Variants in CNTN5 observed in about 807,000 individuals in gnomAD.
CNTN5 encodes the protein contactin-5.
A neutral mutation model predicts 129.1 loss-of-function variants in CNTN5; 77 were observed. That is an observed-to-expected ratio of 0.60 (90% CI 0.50 to 0.72). The LOEUF is 0.72. Ranked by LOEUF, CNTN5 falls within the 30% of genes least tolerant of loss-of-function variation. The probability of loss-of-function intolerance (pLI) is 0.00; values close to 1 mark genes in which losing one functional copy is unlikely to be tolerated. For synonymous variants in CNTN5, 509 were observed against 465.6 expected, an observed-to-expected ratio of 1.09 and a Z score of -1.20; for missense variants, 1,478 against 1,328.8, an observed-to-expected ratio of 1.11 and a Z score of -1.75.
chr11:99,570,926 A>C (rs1191353299), intron 3 of CNTN5, among the ~76,000 whole-genome samples: 1 of 152,196 alleles, frequency 6.6e-6, no homozygotes, highest in East Asian at 1.9e-4. Context: ...TATTTCAGGC[A>C]GGCAGGGAAA....
At chr11:99,682,748 G>GA (rs1953613388) in intron 3 of CNTN5, among the ~76,000 whole-genome samples, 1 of 151,750 alleles carries the variant, frequency 6.6e-6, no homozygotes, top group Non-Finnish European at 1.5e-5. Flanking sequence ...TAAATGAATG[G>GA]AAAAAACACA....
intron 13 of CNTN5, among the ~76,000 whole-genome samples, chr11:100,148,543 G>GCTAA (rs1404423492): frequency 9.9e-5 from 15 of 152,210 alleles, no homozygotes; most frequent in South Asian, 8.3e-4. Context: ...ACTGAGATCT[G>GCTAA]CTAACTAACT....
At chr11:99,068,725 G>A (rs1372577538) in intron 1 of CNTN5, among the ~76,000 whole-genome samples, 2 of 152,168 alleles carry the variant, frequency 1.3e-5, no homozygotes, top group African/African-American at 4.8e-5. Flanking sequence ...CGTTAAGTAT[G>A]TGAAGACAAG....
At chr11:100,036,306 T>C (rs950137744) in intron 9 of CNTN5, among the ~76,000 whole-genome samples, 2 of 152,074 alleles carry the variant, frequency 1.3e-5, no homozygotes, top group Non-Finnish European at 2.9e-5. Flanking sequence ...CTGAGGGCTC[T>C]GTTCTGTTCC....
Position 99,957,018 on chromosome 11 carries a change from C to T in CNTN5, c.877+9C>T, listed in dbSNP as rs200102673. 3 of 1,610,572 alleles carry T rather than the reference C, an allele frequency of 1.9e-6. No homozygotes were observed. The highest frequency in any genetic ancestry group is 2.5e-6 in the Non-Finnish European group (3 of 1,177,838). On this transcript the variant is annotated intron_variant, in intron 8 of 24. Transcript: ENST00000524871. Reference sequence around the variant, plus strand: ...CACTCTGCGTAATGATGGTAAGTTGCTTGGCCCGTTAAAATGGTCAGCCAA... The same window carrying T: ...CACTCTGCGTAATGATGGTAAGTTGTTTGGCCCGTTAAAATGGTCAGCCAA...
chr11:99,302,324 G>C (rs1864680172), intron 1 of CNTN5, among the ~76,000 whole-genome samples: 1 of 151,470 alleles, frequency 6.6e-6, no homozygotes, highest in Non-Finnish European at 1.5e-5. Context: ...CAAATATTTA[G>C]CTAAAATGAC....
chr11:99,028,635 T>C (rs1863217087), intron 1 of CNTN5, among the ~76,000 whole-genome samples: 1 of 151,938 alleles, frequency 6.6e-6, no homozygotes, highest in South Asian at 2.1e-4. Flanking sequence ...GTGATGTTTT[T>C]TGACATCTCA....
chr11:100,041,744 A>G (rs1318027980), intron 9 of CNTN5, among the ~76,000 whole-genome samples: 1 of 152,224 alleles, frequency 6.6e-6, no homozygotes, highest in Admixed American at 6.5e-5. Flanking sequence ...TAATTGTTTT[A>G]AAAAACAATG....
At chr11:99,063,957 T>G (rs1319524548) in intron 1 of CNTN5, among the ~76,000 whole-genome samples, 3 of 151,946 alleles carry the variant, frequency 2.0e-5, no homozygotes, top group Non-Finnish European at 4.4e-5. Context: ...TCACATAAAT[T>G]TATGTGTGCC....
chr11:99,109,659 A>G (rs1437910130), intron 1 of CNTN5, among the ~76,000 whole-genome samples: 3 of 152,142 alleles, frequency 2.0e-5, no homozygotes, highest in African/African-American at 7.2e-5. Flanking sequence ...TAATAGAACC[A>G]TCGGCATTTG....
rs572349933 is a variant in CNTN5, at chr11:99,912,382, C to A, written c.578-3672C>A. Among the ~76,000 whole-genome samples, 4 of 151,998 alleles carry A rather than the reference C, an allele frequency of 2.6e-5. No homozygotes were observed. In the South Asian group the frequency reaches 8.3e-4, roughly 32 times the overall value. On this transcript the variant is annotated intron_variant, in intron 6 of 24. Transcript: ENST00000524871. ...TTGGGCTTATATACCTATTTGGTGA[C>A]CCAGACTCCTGTGAGCTATGAAAAG...
chr11:100,257,114 C>T lies in CNTN5; in HGVS notation c.2164+1196C>T, dbSNP rs556372890. The stretch of plus-strand genomic sequence containing the variant: ...AGCTTGGTCAGGGGAGGGGTGTCCA[C>T]CATTACTGAGGATTGAGTCGGTGGT... On this transcript the variant is annotated intron_variant, in intron 17 of 24. Transcript: ENST00000524871. Among the ~76,000 whole-genome samples, 3 of 152,172 alleles carry T rather than the reference C, an allele frequency of 2.0e-5. No individual in the cohort carries two copies. In the South Asian group the frequency reaches 6.2e-4, roughly 32 times the overall value.
chr11:99,913,749 T>C (rs1949720275), intron 6 of CNTN5, among the ~76,000 whole-genome samples: 1 of 152,122 alleles, frequency 6.6e-6, no homozygotes, highest in South Asian at 2.1e-4. Context: ...AGGACTGTTT[T>C]CTATTAATCT....
intron 1 of CNTN5, among the ~76,000 whole-genome samples, chr11:99,238,766 T>A (rs1007359137): frequency 1.3e-5 from 2 of 152,126 alleles, no homozygotes; most frequent in African/African-American, 2.4e-5. Flanking sequence ...AAGTGCATGA[T>A]CTGCATCTCA....
At chr11:99,319,115 C>G (rs1164039477) in intron 1 of CNTN5, among the ~76,000 whole-genome samples, 4 of 152,176 alleles carry the variant, frequency 2.6e-5, no homozygotes, top group Non-Finnish European at 4.4e-5. Flanking sequence ...AAAAAACTAT[C>G]TTGACATCAG....
chr11:100,050,849 C>T (rs1019983456), intron 9 of CNTN5, among the ~76,000 whole-genome samples: 1 of 151,932 alleles, frequency 6.6e-6, no homozygotes, highest in Non-Finnish European at 1.5e-5. Flanking sequence ...TAAGGATGAA[C>T]ATTTTATGAT....
At chr11:99,775,981 T>C (rs1945110549) in intron 3 of CNTN5, among the ~76,000 whole-genome samples, 1 of 152,040 alleles carries the variant, frequency 6.6e-6, no homozygotes, top group South Asian at 2.1e-4. Context: ...AATTCAATAG[T>C]TCTTTATAGT....
At chr11:99,358,255 A>ATTTTTTTTTTTTTTTTTTTTTTTTTTT (rs1186386021) in intron 2 of CNTN5, among the ~76,000 whole-genome samples, 1 of 46,924 alleles carries the variant, frequency 2.1e-5, no homozygotes, top group Admixed American at 2.9e-4. Flanking sequence ...CGCCCTGCTG[A>ATTTTTTTTTTTTTTTTTTTTTTTTTTT]TTTTTTTTTT....
rs145813714 is a variant in CNTN5 at position 99,319,996 on chromosome 11, A to C, written c.-209-5350A>C. The stretch of plus-strand genomic sequence containing the variant: ...TTAGCATGCCTGTAATCCCAGCATT[A>C]TGGGAGGCAGAGGCTGGTGGATCAC... On this transcript the variant is annotated intron_variant, in intron 1 of 24. Coordinates refer to ENST00000524871, the MANE Select transcript of CNTN5 (RefSeq NM_014361.4). 7.5e-3 allele frequency among the ~76,000 whole-genome samples: 1,146 copies of C among 152,228 alleles called. 9 individuals are homozygous for C. The highest frequency in any genetic ancestry group is 0.026 in the African/African-American group (1,084 of 41,542).
Sources: gnomAD v4.1 joint callset for allele counts (sites outside exome capture counted in the v4.1 genomes callset) on GRCh38, gnomAD v4.1.1 for gene constraint, MANE v1.5 for transcripts, NCBI Gene and HGNC (gene_info 2026-07-23, HGNC 2026-07-21) for gene names.